AVEN: variants seen among roughly 807,000 people sequenced by gnomAD.
The protein encoded by AVEN is cell death regulator Aven.
Under a neutral mutation model 38.1 loss-of-function variants are expected in AVEN, and 41 were observed. That is an observed-to-expected ratio of 1.08 (90% CI 0.84 to 1.40). The LOEUF is 1.40. Among genes scored for constraint, AVEN ranks in the 40% most tolerant of loss-of-function variants. The pLI, the probability that AVEN is intolerant of heterozygous loss-of-function variation, is 0.00. For synonymous variants in AVEN, 206 were observed against 171.8 expected, an observed-to-expected ratio of 1.20 and a Z score of -1.56; for missense variants, 605 against 438.8, an observed-to-expected ratio of 1.38 and a Z score of -3.38.
chr15:33,888,793 C>A (rs1044182996), intron 2 of AVEN, among the ~76,000 whole-genome samples: 1 of 151,888 alleles, frequency 6.6e-6, no homozygotes, highest in African/African-American at 2.4e-5. Flanking sequence ...ACTCTGTCAC[C>A]AGACTGGAGT....
chr15:33,891,635 G>T (rs1387609840), intron 2 of AVEN, among the ~76,000 whole-genome samples: 1 of 152,168 alleles, frequency 6.6e-6, no homozygotes, highest in Non-Finnish European at 1.5e-5. Flanking sequence ...ATCAATGATG[G>T]ACATTTGGGT....
At chr15:33,956,640 G>A (rs1894964773) in intron 2 of AVEN, among the ~76,000 whole-genome samples, 1 of 152,134 alleles carries the variant, frequency 6.6e-6, no homozygotes, top group African/African-American at 2.4e-5. Context: ...GTTATGGTGG[G>A]TTTTGCCATG....
intron 1 of AVEN, among the ~76,000 whole-genome samples, chr15:34,031,754 C>T (rs1464655466): frequency 6.6e-6 from 1 of 152,060 alleles, no homozygotes; most frequent in Admixed American, 6.6e-5. Context: ...CAATTTAAGG[C>T]TTACAAAATC....
At chr15:33,868,461 C>T (rs1056821854) in intron 4 of AVEN, among the ~76,000 whole-genome samples, 5 of 143,798 alleles carry the variant, frequency 3.5e-5, no homozygotes, top group African/African-American at 5.1e-5. Context: ...AGGAGAATGG[C>T]GTGAACCTGG....
At chr15:34,000,241 ACTCTT>A (rs1897086705) in intron 2 of AVEN, among the ~76,000 whole-genome samples, 1 of 151,958 alleles carries the variant, frequency 6.6e-6, no homozygotes, top group South Asian at 2.1e-4. Context: ...CATTTTATAT[ACTCTT>A]CTTGTTTGTC....
At chr15:34,011,442 T>A (rs1840053643) in intron 1 of AVEN, among the ~76,000 whole-genome samples, 1 of 152,362 alleles carries the variant, frequency 6.6e-6, no homozygotes, top group African/African-American at 2.4e-5. Flanking sequence ...TATATGTGAA[T>A]TATCTCTTGA....
intron 1 of AVEN, among the ~76,000 whole-genome samples, chr15:34,071,257 A>C (rs1043491826): frequency 7.2e-5 from 11 of 152,128 alleles, no homozygotes; most frequent in Middle Eastern, 3.4e-3. Context: ...TTACCCCAAT[A>C]TTACTAGCTA....
intron 2 of AVEN, among the ~76,000 whole-genome samples, chr15:33,982,394 C>T (rs1896190654): frequency 6.6e-6 from 1 of 151,986 alleles, no homozygotes; most frequent in Non-Finnish European, 1.5e-5. Flanking sequence ...AAATGCTATG[C>T]TCTGCCAAAA....
intron 1 of AVEN, 119 bp downstream of exon 1, chr15:34,038,661 G>C (rs1480550735): frequency 1.4e-5 from 14 of 988,828 alleles, no homozygotes; most frequent in African/African-American, 1.7e-5. Flanking sequence ...CGCAGGCGCC[G>C]GCGCCGCCGC....
intron 2 of AVEN, among the ~76,000 whole-genome samples, chr15:33,993,485 A>T (rs1896810392): frequency 6.6e-6 from 1 of 152,194 alleles, no homozygotes; most frequent in African/African-American, 2.4e-5. Flanking sequence ...GCACAAGTGG[A>T]AGGAGGCAGG....
intron 5 of AVEN, among the ~76,000 whole-genome samples, chr15:34,060,070 G>C (rs1224024602): frequency 1.3e-5 from 2 of 152,234 alleles, no homozygotes; most frequent in African/African-American, 4.8e-5. Context: ...ACCATTGGAA[G>C]ATAATCTGTG....
chr15:33,889,746 C>T (rs1259391816), intron 2 of AVEN, among the ~76,000 whole-genome samples: 2 of 152,130 alleles, frequency 1.3e-5, no homozygotes, highest in Admixed American at 6.6e-5. Flanking sequence ...TTTAGCCTTC[C>T]TGTCAAAAAT....
chr15:33,899,205 T>C (rs1391020263), intron 2 of AVEN, among the ~76,000 whole-genome samples: 2 of 151,156 alleles, frequency 1.3e-5, no homozygotes, highest in East Asian at 3.9e-4. Context: ...AAGAGGCTCA[T>C]ACACTGTTGA....
At chr15:33,874,108 T>A (rs1482474119) in intron 3 of AVEN, among the ~76,000 whole-genome samples, 1 of 152,170 alleles carries the variant, frequency 6.6e-6, no homozygotes, top group African/African-American at 2.4e-5. Context: ...TAAACAAAAC[T>A]TTGTTAACAG....
At position 34,032,607 on chromosome 15, in the gene AVEN, G is replaced by A. The variant is rs551022209; in HGVS notation, c.267+6173C>T. Among the ~76,000 whole-genome samples the A allele has an allele frequency of 5.9e-5, 9 of 152,176 alleles. No homozygotes were observed. In the East Asian group the frequency reaches 1.5e-3, roughly 26 times the overall value. On this transcript the variant is annotated intron_variant, in intron 1 of 5. Coordinates refer to ENST00000306730, the MANE Select transcript of AVEN (RefSeq NM_020371.3). ...CTATGATCTTAGCTGTCCTCAAAAC[G>A]GAGTGTGCACATACCTAGGGGTTCA...
intron 2 of AVEN, among the ~76,000 whole-genome samples, chr15:33,884,754 T>A (rs1891636083): frequency 6.6e-6 from 1 of 152,166 alleles, no homozygotes; most frequent in Non-Finnish European, 1.5e-5. Context: ...CAAGGAACAA[T>A]CTTTACTCAG....
chr15:34,038,509 C>G (rs954550165), intron 1 of AVEN, among the ~76,000 whole-genome samples: 1 of 152,128 alleles, frequency 6.6e-6, no homozygotes, highest in Non-Finnish European at 1.5e-5. Flanking sequence ...GGGTTCCTAA[C>G]CCGGACCCTG....
rs141631580 is a variant in AVEN at position 33,903,673 on chromosome 15, T to A, written c.446-27678A>T. On this transcript the variant is annotated intron_variant, in intron 2 of 5. Coordinates refer to ENST00000306730, the MANE Select transcript of AVEN (RefSeq NM_020371.3). The stretch of plus-strand genomic sequence containing the variant: ...ATATTAACACTTTGCATTGTATAGA[T>A]CTTAACTGAATCTGAAAAGAATGAA... Among the ~76,000 whole-genome samples, 97 of 152,292 alleles carry A rather than the reference T, an allele frequency of 6.4e-4. 1 individual carries two copies. The highest frequency in any genetic ancestry group is 2.2e-3 in the African/African-American group (92 of 41,566).
intron 2 of AVEN, among the ~76,000 whole-genome samples, chr15:33,986,809 A>G (rs1238864164): frequency 6.6e-6 from 1 of 151,430 alleles, no homozygotes; most frequent in African/African-American, 2.4e-5. Flanking sequence ...GGCACGTGCC[A>G]CCATGCCCAG....
Sources: allele counts gnomAD v4.1 joint callset (sites outside exome capture counted in the v4.1 genomes callset), GRCh38; gene constraint gnomAD v4.1.1; transcripts MANE v1.5; gene names NCBI Gene and HGNC (gene_info 2026-07-23, HGNC 2026-07-21).